Variants in CXCR5 observed in about 807,000 individuals in gnomAD.
The protein encoded by CXCR5 is C-X-C chemokine receptor type 5.
CXCR5 carries 3 observed loss-of-function variants against 5.6 expected under a neutral mutation model. The ratio of observed to expected loss-of-function variants is 0.54; its 90% CI spans 0.24 to 1.39. CXCR5 has a LOEUF of 1.39. Ranked by LOEUF, CXCR5 falls within the 40% of genes most tolerant of loss-of-function variation. The probability of loss-of-function intolerance (pLI) is 0.16; values close to 1 mark genes in which losing one functional copy is unlikely to be tolerated. For missense variants in CXCR5, 333 were observed against 494.6 expected (o/e 0.67, Z 3.10); for synonymous variants, 218 against 219.9 (o/e 0.99, Z 0.08).
At chr11:118,888,961 C>T (rs1939765542) in intron 1 of CXCR5, among the ~76,000 whole-genome samples, 1 of 152,144 alleles carries the variant, frequency 6.6e-6, no homozygotes, top group Non-Finnish European at 1.5e-5. Flanking sequence ...GGCAGTGGGG[C>T]AGCCTCATTA....
At position 118,894,321 on chromosome 11, in the gene CXCR5, G is replaced by C; in HGVS notation, c.777G>C (p.Arg259Ser). The change falls in exon 2 of 2, where the codon AGG becomes AGC. Residue 259 changes from arginine (R) to serine (S), a missense_variant. By Grantham distance (110) the Arg-to-Ser change is moderately radical (BLOSUM62 -1). Coordinates refer to ENST00000292174, the MANE Select transcript of CXCR5 (RefSeq NM_001716.5). This position sits in a 1 kb window ranked among gnomAD's most constrained non-coding sequence, Gnocchi z 6.1. ...QRRPQRQKAVRVAILVTSIFF... is the reference protein window; with the variant it reads ...QRRPQRQKAVSVAILVTSIFF... ...GCCCTCAGCGGCAGAAGGCAGTCAG[G>C]GTGGCCATCCTGGTGACAAGCATCT... 1 of 1,614,144 alleles carries C rather than the reference G, an allele frequency of 6.2e-7. No individual in the cohort carries two copies. The highest frequency in any genetic ancestry group is 8.5e-7 in the Non-Finnish European group (1 of 1,180,038).
chr11:118,886,556 G>A (rs925436322), intron 1 of CXCR5: 1 of 361,556 alleles, frequency 2.8e-6, no homozygotes, highest in Non-Finnish European at 5.3e-6. Context: ...TAAGAACCAG[G>A]AACAAGAAGA....
chr11:118,885,474 C>T (rs1344243077), intron 1 of CXCR5, among the ~76,000 whole-genome samples: 5 of 152,150 alleles, frequency 3.3e-5, no homozygotes, highest in Non-Finnish European at 7.4e-5. Context: ...TGGGCAATAC[C>T]CCAAATCAGA....
intron 1 of CXCR5, among the ~76,000 whole-genome samples, chr11:118,891,245 C>G (rs1172441678): frequency 6.6e-6 from 1 of 152,102 alleles, no homozygotes; most frequent in Non-Finnish European, 1.5e-5. Context: ...TCAAGCAATC[C>G]TCCCACCTAA....
At chr11:118,890,619 G>A (rs1303167949) in intron 1 of CXCR5, among the ~76,000 whole-genome samples, 3 of 152,094 alleles carry the variant, frequency 2.0e-5, no homozygotes, top group African/African-American at 4.8e-5. Flanking sequence ...GTGGTCTAGA[G>A]CAATAATTTA....
chr11:118,887,361 T>C (rs1404937011), intron 1 of CXCR5: 1 of 985,290 alleles, frequency 1.0e-6, no homozygotes, highest in Non-Finnish European at 1.2e-6. Context: ...CTGGGAGGCC[T>C]GTCTGCCTGC....
rs557350357 is a variant in CXCR5, at chr11:118,896,412, A to T, written c.*1749A>T. The T allele has an allele frequency of 2.6e-4, 39 of 152,410 alleles. No individual in the cohort carries two copies. The highest frequency in any genetic ancestry group is 9.2e-4 in the African/African-American group (38 of 41,530). 9.4% of individuals were successfully genotyped at this position (152,410 alleles called of 1,614,324 possible). A position where few individuals can be genotyped will look rare whatever the true frequency, so the allele number is the denominator to read the frequency against. ...CGGAGAGGGCACTCGGCCCGCTGCAATCTGACCCCTCTCTCCTCAGGGCAG... is the reference window on the plus strand; with the variant it reads ...CGGAGAGGGCACTCGGCCCGCTGCATTCTGACCCCTCTCTCCTCAGGGCAG... On this transcript the variant is annotated 3_prime_UTR_variant, in exon 2 of 2. Coordinates refer to ENST00000292174, the MANE Select transcript of CXCR5 (RefSeq NM_001716.5).
intron 1 of CXCR5, among the ~76,000 whole-genome samples, chr11:118,884,759 C>CA (rs1305567213): frequency 1.3e-5 from 2 of 152,202 alleles, no homozygotes; most frequent in East Asian, 3.8e-4. Flanking sequence ...TGCCACCACT[C>CA]AAGTCTCTCC....
chr11:118,895,962 A>T lies in CXCR5; in HGVS notation c.*1299A>T, dbSNP rs1939906089. ...TGCCCTTGTCCCACTCAAGCCAAGC[A>T]GCCAAGCTCCTTGGGAGGCCCCACT... is the stretch of plus-strand genomic sequence containing the variant. On this transcript the variant is annotated 3_prime_UTR_variant, in exon 2 of 2. Transcript: ENST00000292174. This position sits in a 1 kb window ranked among gnomAD's most constrained non-coding sequence, Gnocchi z 4.2. 6.0e-6 allele frequency: 1 copy of T among 167,108 alleles called. No homozygotes were observed. Among genetic ancestry groups the T allele is most frequent in the Non-Finnish European group, 1.5e-5 (1 of 68,136 alleles). 10.4% of individuals were successfully genotyped at this position (167,108 alleles called of 1,614,324 possible). A position where few individuals can be genotyped will look rare whatever the true frequency, so the allele number is the denominator to read the frequency against.
chr11:118,887,241 C>T (rs186623302), intron 1 of CXCR5: 45 of 985,422 alleles, frequency 4.6e-5, no homozygotes, highest in Non-Finnish European at 4.8e-5. Flanking sequence ...GAAACAGTGG[C>T]CGCATATGTG....
Sources: allele counts gnomAD v4.1 joint callset (sites outside exome capture counted in the v4.1 genomes callset), GRCh38; gene constraint gnomAD v4.1.1; non-coding constraint Gnocchi (gnomAD v3.1); transcripts MANE v1.5; gene names NCBI Gene and HGNC (gene_info 2026-07-23, HGNC 2026-07-21).